ADGRV1: variants seen among roughly 807,000 people sequenced by gnomAD.
The protein encoded by ADGRV1 is G-protein coupled receptor 98.
ADGRV1 carries 359 observed loss-of-function variants against 596.2 expected under a neutral mutation model. That is an observed-to-expected ratio of 0.60 (90% CI 0.55 to 0.66). ADGRV1 has a LOEUF of 0.66. ADGRV1 is among the 30% of genes least tolerant of loss of function. The pLI, the probability that ADGRV1 is intolerant of heterozygous loss-of-function variation, is 0.00. For missense variants in ADGRV1, 7,274 were observed against 7,575.6 expected (o/e 0.96, Z 1.48); for synonymous variants, 2,681 against 2,679.2 (o/e 1.00, Z -0.02).
At chr5:90,585,389 C>T (rs1214993731) in intron 1 of ADGRV1, among the ~76,000 whole-genome samples, 1 of 152,150 alleles carries the variant, frequency 6.6e-6, no homozygotes, top group Non-Finnish European at 1.5e-5. Context: ...TCAACAAAAC[C>T]CCTTGGAGAG....
chr5:90,647,556 T>C lies in ADGRV1; in HGVS notation c.3081T>C (p.Asn1027=), dbSNP rs763280415. The C allele has an allele frequency of 3.7e-6, 6 of 1,613,606 alleles. No individual in the cohort carries two copies. The African/African-American group carries it at 6.7e-5, about 18-fold the overall frequency. ...GETANFTVLR[N]GSVDVTCMVQ... ...CTGCCAACTTTACAGTTCTCAGAAA[T>C]GGATCTGTTGATGTGACTTGCATGG... Residue 1027 remains asparagine (N), a synonymous_variant, in exon 17 of 90, where the codon AAT becomes AAC. Coordinates refer to ENST00000405460, the MANE Select transcript of ADGRV1 (RefSeq NM_032119.4).
chr5:91,020,740 A>G (rs995383826), intron 85 of ADGRV1, among the ~76,000 whole-genome samples: 1 of 152,046 alleles, frequency 6.6e-6, no homozygotes, highest in African/African-American at 2.4e-5. Flanking sequence ...CTTGATAGAA[A>G]TTGAGACACT....
chr5:90,821,046 G>A (rs1763447469), intron 75 of ADGRV1, among the ~76,000 whole-genome samples: 1 of 151,972 alleles, frequency 6.6e-6, no homozygotes, highest in African/African-American at 2.4e-5. Context: ...ATCACTTTCA[G>A]GTACACCAAT....
At chr5:91,083,562 T>A (rs1789607086) in intron 86 of ADGRV1, among the ~76,000 whole-genome samples, 1 of 152,122 alleles carries the variant, frequency 6.6e-6, no homozygotes. Flanking sequence ...ATATTAAAGG[T>A]GAAGTGTGAA....
At chr5:90,970,852 G>A (rs749524724) in intron 84 of ADGRV1, among the ~76,000 whole-genome samples, 3 of 152,268 alleles carry the variant, frequency 2.0e-5, no homozygotes, top group Admixed American at 6.5e-5. Context: ...AAAGCTAGAC[G>A]GAGAATGACT....
At chr5:90,632,767 C>G (rs533156633) in intron 9 of ADGRV1, among the ~76,000 whole-genome samples, 4 of 152,164 alleles carry the variant, frequency 2.6e-5, no homozygotes, top group African/African-American at 9.7e-5. Context: ...ATTTCAGACT[C>G]AATTCTTTAT....
chr5:90,687,068 T>G (rs1290951763), intron 29 of ADGRV1, among the ~76,000 whole-genome samples: 1 of 152,120 alleles, frequency 6.6e-6, no homozygotes, highest in Non-Finnish European at 1.5e-5. Context: ...GGTTGTTTTT[T>G]TCTTGTAAAT....
rs747714207 is a variant in ADGRV1, at chr5:90,840,984, A to G, written c.17018A>G (p.Lys5673Arg). 7.2e-7 allele frequency: 1 copy of G among 1,391,324 alleles called. No homozygotes were observed. Among genetic ancestry groups the G allele is most frequent in the Non-Finnish European group, 9.4e-7 (1 of 1,066,250 alleles). The allele number at this position is 1,391,324 out of a possible 1,614,324, so 86.2% of individuals were successfully genotyped here. ...QLSAMMHLIE[K>R]ITTEGKIQAF... Reference sequence around the variant, plus strand: ...AGTGCCATGATGCATTTAATAGAAAAGGTAAGTTTTTGTGAATATTAGTAA... The same window carrying G: ...AGTGCCATGATGCATTTAATAGAAAGGGTAAGTTTTTGTGAATATTAGTAA... Residue 5673 changes from lysine (K) to arginine (R), a missense_variant and splice_region_variant, in exon 78 of 90, where the codon AAG becomes AGG. Physicochemically the swap from Lys to Arg is conservative, Grantham distance 26 (BLOSUM62 2). Coordinates refer to ENST00000405460, the MANE Select transcript of ADGRV1 (RefSeq NM_032119.4).
intron 62 of ADGRV1, among the ~76,000 whole-genome samples, 179 bp downstream of exon 62, chr5:90,778,222 T>G (rs897965653): frequency 1.3e-5 from 2 of 151,350 alleles, no homozygotes; most frequent in African/African-American, 2.4e-5. Flanking sequence ...GTGTGTGTGG[T>G]GTGTGTGTGT....
In ADGRV1 at chr5:90,755,116, A is replaced by G. The variant is rs1412959610; in HGVS notation, c.11511A>G (p.Val3837=). The part of the protein sequence containing the change: ...DNQATENEDY[V]LQETIIIMKE... ...AAGCTACTGAGAATGAAGATTATGT[A>G]TTGCAAGAAACAATAATAATAATGA... The change falls in exon 55 of 90, where the codon GTA becomes GTG. Residue 3837 remains valine (V), a synonymous_variant. Transcript: ENST00000405460. 1 of 1,611,574 alleles carries G rather than the reference A, an allele frequency of 6.2e-7. No individual in the cohort carries two copies. Among genetic ancestry groups the G allele is most frequent in the East Asian group, 2.2e-5 (1 of 44,852 alleles).
chr5:91,156,754 TA>T lies in ADGRV1; in HGVS notation c.18802+3358del, dbSNP rs1407576482. On this transcript the variant is annotated intron_variant, in intron 89 of 89. Coordinates refer to ENST00000405460, the MANE Select transcript of ADGRV1 (RefSeq NM_032119.4). ...TGGTTCCCTATATTTTTAGAAAAAG[TA>T]ATGTAGTAATCATGTATCAGCCACT... Among the ~76,000 whole-genome samples the T allele has an allele frequency of 4.6e-5, 7 of 152,254 alleles. No homozygotes were observed. In the East Asian group the frequency reaches 1.2e-3, roughly 25 times the overall value.
intron 89 of ADGRV1, among the ~76,000 whole-genome samples, chr5:91,153,849 A>G (rs1325809044): frequency 6.6e-6 from 1 of 152,088 alleles, no homozygotes; most frequent in African/African-American, 2.4e-5. Context: ...TAATTCTTTG[A>G]CCCTCCTATT....
At chr5:90,613,483 A>G (rs1254858209) in intron 1 of ADGRV1, among the ~76,000 whole-genome samples, 1 of 151,998 alleles carries the variant, frequency 6.6e-6, no homozygotes, top group Non-Finnish European at 1.5e-5. Context: ...CTTTCCATGA[A>G]CATTCCTGGG....
At chr5:90,615,299 A>T (rs1294533541) in intron 2 of ADGRV1, among the ~76,000 whole-genome samples, 1 of 151,880 alleles carries the variant, frequency 6.6e-6, no homozygotes, top group Admixed American at 6.6e-5. Flanking sequence ...CATTTTGGGT[A>T]ATTTGGATTG....
intron 87 of ADGRV1, among the ~76,000 whole-genome samples, chr5:91,119,405 C>T (rs145931148): frequency 5.9e-5 from 9 of 152,280 alleles, no homozygotes; most frequent in African/African-American, 1.4e-4. Context: ...GTGCAGTCCA[C>T]GGGAGTCTTA....
At chr5:90,903,648 G>A (rs942985125) in intron 83 of ADGRV1, among the ~76,000 whole-genome samples, 1 of 151,846 alleles carries the variant, frequency 6.6e-6, no homozygotes, top group African/African-American at 2.4e-5. Context: ...TGGGTACCTA[G>A]TAGGTGTATG....
chr5:91,130,805 T>C (rs532548593), intron 87 of ADGRV1, among the ~76,000 whole-genome samples: 20 of 152,326 alleles, frequency 1.3e-4, no homozygotes, highest in African/African-American at 4.8e-4. Context: ...GGATCACCAG[T>C]GTTTATCCCC....
chr5:90,847,882 C>T (rs914076088), intron 78 of ADGRV1, among the ~76,000 whole-genome samples: 6 of 152,148 alleles, frequency 3.9e-5, no homozygotes, highest in Admixed American at 6.5e-5. Context: ...GTTCCCGCCT[C>T]GGCCAGCCCA....
At chr5:91,075,143 A>G (rs1788738121) in intron 86 of ADGRV1, among the ~76,000 whole-genome samples, 1 of 151,960 alleles carries the variant, frequency 6.6e-6, no homozygotes, top group African/African-American at 2.4e-5. Context: ...TTGCCTTTTT[A>G]CTGTGTTGAT....
Sources: allele counts gnomAD v4.1 joint callset (sites outside exome capture counted in the v4.1 genomes callset), GRCh38; gene constraint gnomAD v4.1.1; transcripts MANE v1.5; gene names NCBI Gene and HGNC (gene_info 2026-07-23, HGNC 2026-07-21).